Variants in ST14 observed in about 807,000 individuals in gnomAD.
ST14 encodes the protein ST14 transmembrane serine protease matriptase.
A neutral mutation model predicts 96.5 loss-of-function variants in ST14; 40 were observed. The ratio of observed to expected loss-of-function variants is 0.41; its 90% CI spans 0.32 to 0.54. The LOEUF is 0.54. Among genes scored for constraint, ST14 ranks in the 20% least tolerant of loss-of-function variants. The pLI is 0.17. For synonymous variants in ST14, 506 were observed against 492.1 expected (o/e 1.03, Z -0.37); for missense variants, 1,066 against 1,188.9 (o/e 0.90, Z 1.52).
intron 1 of ST14, among the ~76,000 whole-genome samples, chr11:130,175,577 C>T (rs1953129317): frequency 1.3e-5 from 2 of 151,272 alleles, no homozygotes; most frequent in Non-Finnish European, 1.5e-5. Flanking sequence ...GACGGGGTTT[C>T]TCCATGTTGG....
At chr11:130,209,366 G>T in intron 17 of ST14, 76 bp from the exon 18 acceptor site, 2 of 1,539,188 alleles carry the variant, frequency 1.3e-6, no homozygotes, top group South Asian at 2.4e-5. Flanking sequence ...CTAGTCCAAT[G>T]ACCCGTGGGG....
At chr11:130,161,705 G>T (rs1953000291) in intron 1 of ST14, among the ~76,000 whole-genome samples, 1 of 152,166 alleles carries the variant, frequency 6.6e-6, no homozygotes, top group Non-Finnish European at 1.5e-5. Context: ...GCGCCCTTGG[G>T]CTGTTCCTTC....
At chr11:130,198,081 C>A in intron 12 of ST14, 136 bp downstream of exon 12, 2 of 949,036 alleles carry the variant, frequency 2.1e-6, no homozygotes, top group South Asian at 1.5e-5. Context: ...TGTGTAGAGA[C>A]CTCTGGCCCC....
At position 130,199,040 on chromosome 11, in the gene ST14, G is replaced by A. The variant is rs1953401083; in HGVS notation, c.1778G>A (p.Cys593Tyr). 1 of 1,613,868 alleles carries A rather than the reference G, an allele frequency of 6.2e-7. No homozygotes were observed. Among genetic ancestry groups the A allele is most frequent in the African/African-American group, 1.3e-5 (1 of 74,938 alleles). The change falls in exon 15 of 19, where the codon TGT becomes TAT. Residue 593 changes from cysteine to tyrosine, a missense_variant. Physicochemically the swap from Cys to Tyr is radical, Grantham distance 194. Coordinates refer to ENST00000278742, the MANE Select transcript of ST14 (RefSeq NM_021978.4). ...CCTGAGTGTGACGGGAAGGAGGACT[G>A]TAGCGACGGCTCAGATGAGAAGGAC... ...GNPECDGKED[C>Y]SDGSDEKDCD...
At position 130,198,408 on chromosome 11, in the gene ST14, G is replaced by A. The variant is rs1462285855; in HGVS notation, c.1560G>A (p.Glu520=). The A allele has an allele frequency of 1.2e-6, 2 of 1,614,040 alleles. No individual in the cohort carries two copies. Among genetic ancestry groups the A allele is most frequent in the Non-Finnish European group, 1.7e-6 (2 of 1,180,036 alleles). The change falls in exon 13 of 19, where the codon GAG becomes GAA. Residue 520 remains glutamate, a synonymous_variant. Transcript: ENST00000278742. ...ACGACTGCGGAGACAACAGCGACGA[G>A]CAGGGGTGCAGTGAGTGCTGGGGAG... ...SVNDCGDNSD[E]QGCSCPAQTF...
chr11:130,175,180 C>T (rs1024390299), intron 1 of ST14, among the ~76,000 whole-genome samples: 1 of 152,052 alleles, frequency 6.6e-6, no homozygotes, highest in Non-Finnish European at 1.5e-5. Context: ...ATTCGTTTGT[C>T]CTTGTGTTAG....
intron 16 of ST14, among the ~76,000 whole-genome samples, chr11:130,203,470 A>C (rs1953452874): frequency 6.6e-6 from 1 of 151,996 alleles, no homozygotes; most frequent in Non-Finnish European, 1.5e-5. Flanking sequence ...CCTTCCCCAA[A>C]TCTGATCACC....
rs1953443413 is a variant in ST14, at chr11:130,202,791, C to T, written c.1994+2654C>T. 2.6e-5 allele frequency among the ~76,000 whole-genome samples: 4 copies of T among 152,206 alleles called. No individual in the cohort carries two copies. The South Asian group carries it at 8.3e-4, about 31-fold the overall frequency. ...GCTATATGATCTTCGGCAAGTTGCC[C>T]TCTCTGTGCTTGAGTCCTCATCTTA... is the stretch of plus-strand genomic sequence containing the variant. On this transcript the variant is annotated intron_variant, in intron 16 of 18. Coordinates refer to ENST00000278742, the MANE Select transcript of ST14 (RefSeq NM_021978.4).
intron 1 of ST14, among the ~76,000 whole-genome samples, chr11:130,186,809 A>T (rs1240591218): frequency 6.6e-6 from 1 of 152,244 alleles, no homozygotes; most frequent in Non-Finnish European, 1.5e-5. Flanking sequence ...AGATGAATCA[A>T]GAGATTATGG....
chr11:130,169,060 A>G (rs897101921), intron 1 of ST14, among the ~76,000 whole-genome samples: 3 of 150,294 alleles, frequency 2.0e-5, no homozygotes, highest in African/African-American at 7.4e-5. Flanking sequence ...AGTCCCATAC[A>G]TACCATATTA....
At chr11:130,191,682 T>C (rs1293913151) in intron 7 of ST14, among the ~76,000 whole-genome samples, 2 of 106,776 alleles carry the variant, frequency 1.9e-5, no homozygotes, top group Admixed American at 1.1e-4. Context: ...AGAGCGAGAC[T>C]CTGTCTCAAA....
intron 1 of ST14, among the ~76,000 whole-genome samples, chr11:130,176,310 G>A (rs1953137178): frequency 2.0e-5 from 3 of 151,572 alleles, no homozygotes; most frequent in South Asian, 2.1e-4. Context: ...CTCTGCAGGG[G>A]GTTCCCTTGG....
Position 130,210,146 on chromosome 11 carries a change from G to C in ST14, c.*323G>C, listed in dbSNP as rs1953538071. On this transcript the variant is annotated 3_prime_UTR_variant, in exon 19 of 19. Transcript: ENST00000278742. Reference sequence around the variant, plus strand: ...GCATATCTGCCTCCCCTGTCTCTAAGGAGCAGCGGGAACGGAGCTTCGGGG... The same window carrying C: ...GCATATCTGCCTCCCCTGTCTCTAACGAGCAGCGGGAACGGAGCTTCGGGG... The C allele has an allele frequency of 3.5e-6, 1 of 282,234 alleles. No homozygotes were observed. Among genetic ancestry groups the C allele is most frequent in the Non-Finnish European group, 6.8e-6 (1 of 147,796 alleles). The allele number at this position is 282,234 out of a possible 1,614,324, so 17.5% of individuals were successfully genotyped here.
At chr11:130,171,079 G>C (rs939595915) in intron 1 of ST14, among the ~76,000 whole-genome samples, 1 of 152,196 alleles carries the variant, frequency 6.6e-6, no homozygotes, top group African/African-American at 2.4e-5. Flanking sequence ...ACGAATGACA[G>C]CAAGATAGTG....
intron 1 of ST14, among the ~76,000 whole-genome samples, chr11:130,185,047 C>A (rs1393594277): frequency 6.6e-6 from 1 of 152,118 alleles, no homozygotes; most frequent in Non-Finnish European, 1.5e-5. Context: ...CCGCCAGGAG[C>A]TTGTTTCTAA....
intron 14 of ST14, 85 bp downstream of exon 14, chr11:130,198,706 C>G: frequency 2.9e-6 from 4 of 1,389,202 alleles, no homozygotes; most frequent in Non-Finnish European, 4.0e-6. Flanking sequence ...CAGGACGCCC[C>G]GAGTTTAATG....
At chr11:130,165,687 G>A (rs1361517901) in intron 1 of ST14, among the ~76,000 whole-genome samples, 1 of 152,150 alleles carries the variant, frequency 6.6e-6, no homozygotes, top group East Asian at 1.9e-4. Context: ...TGAAAGGGTG[G>A]AGAAGAATGT....
intron 1 of ST14, among the ~76,000 whole-genome samples, chr11:130,169,771 G>A (rs1372526925): frequency 1.3e-5 from 2 of 152,320 alleles, no homozygotes; most frequent in Non-Finnish European, 2.9e-5. Context: ...CCATAAAAAT[G>A]TCAGTAATGA....
intron 15 of ST14, 112 bp from the exon 16 acceptor site, chr11:130,199,839 G>A (rs931473497): frequency 9.5e-6 from 13 of 1,363,074 alleles, no homozygotes; most frequent in Admixed American, 3.4e-5. Flanking sequence ...TGCTGTGCAC[G>A]CCAAAAGCTG....
Sources: gnomAD v4.1 joint callset for allele counts (sites outside exome capture counted in the v4.1 genomes callset) on GRCh38, gnomAD v4.1.1 for gene constraint, MANE v1.5 for transcripts, NCBI Gene and HGNC (gene_info 2026-07-23, HGNC 2026-07-21) for gene names.